Variants in AP2A1 observed in about 807,000 individuals in gnomAD.
AP2A1 encodes AP-2 complex subunit alpha-1.
A neutral mutation model predicts 107.3 loss-of-function variants in AP2A1; 21 were observed. That is an observed-to-expected ratio of 0.20 (90% CI 0.14 to 0.28). The LOEUF is 0.28. AP2A1 is among the 10% of genes least tolerant of loss of function. The pLI, the probability that AP2A1 is intolerant of heterozygous loss-of-function variation, is 1.00. For synonymous variants in AP2A1, 602 were observed against 564.8 expected (o/e 1.07, Z -0.93); for missense variants, 873 against 1,307.7 (o/e 0.67, Z 5.13).
intron 4 of AP2A1, 33 bp downstream of exon 4, chr19:49,782,757 G>C: frequency 6.4e-7 from 1 of 1,555,230 alleles, no homozygotes. Flanking sequence ...GCAGTGGGGG[G>C]CCTGGGGGTG....
chr19:49,792,113 G>A, intron 5 of AP2A1, 49 bp downstream of exon 5: 1 of 1,590,900 alleles, frequency 6.3e-7, no homozygotes, highest in Non-Finnish European at 8.5e-7. Context: ...TCCCACCTCA[G>A]CCCTGACCCC....
chr19:49,768,480 C>T (rs963164584), intron 1 of AP2A1, among the ~76,000 whole-genome samples: 1 of 152,170 alleles, frequency 6.6e-6, no homozygotes, highest in African/African-American at 2.4e-5. Flanking sequence ...CAATGCCCCT[C>T]AGGCCTTTCA....
In AP2A1 at chr19:49,782,685, A is replaced by G; in HGVS notation, c.434A>G (p.Glu145Gly). Residue 145 changes from glutamate to glycine, a missense_variant, in exon 4 of 23, where the codon GAG becomes GGG. By Grantham distance (98) the Glu-to-Gly change is moderately conservative (BLOSUM62 -2). This residue lies in a region of AP2A1 where 157 missense variants were observed against 212.6 expected (regional missense o/e 0.74). Transcript: ENST00000354293. ...IANVGSREMG[E>G]AFAADIPRIL... ...AACGTGGGCAGCCGGGAGATGGGCG[A>G]GGCCTTTGCCGCTGACATCCCCCGC... 1 of 1,610,170 alleles carries G rather than the reference A, an allele frequency of 6.2e-7. No individual in the cohort carries two copies. The highest frequency in any genetic ancestry group is 8.5e-7 in the Non-Finnish European group (1 of 1,179,166).
In AP2A1 at chr19:49,785,235, G is replaced by A. The variant is rs2084722869; in HGVS notation, c.473+2511G>A. Among the ~76,000 whole-genome samples the A allele has an allele frequency of 6.6e-6, 1 of 152,170 alleles. No homozygotes were observed. The highest frequency in any genetic ancestry group is 2.4e-5 in the African/African-American group (1 of 41,452). The stretch of plus-strand genomic sequence containing the variant: ...CATAAGCAAAAGTACAGACTGTAGG[G>A]GGTGACTGTGGGGCAGCAAGACCAG... On this transcript the variant is annotated intron_variant, in intron 4 of 22. Coordinates refer to ENST00000354293, the MANE Select transcript of AP2A1 (RefSeq NM_130787.3). This position sits in a 1 kb window ranked among gnomAD's most constrained non-coding sequence, Gnocchi z 4.1.
At chr19:49,806,610 A>G in intron 22 of AP2A1, 71 bp from the exon 23 acceptor site, 4 of 1,597,592 alleles carry the variant, frequency 2.5e-6, no homozygotes, top group Admixed American at 3.4e-5. Context: ...CCTTCCTTCT[A>G]TCTCCCTTGG....
chr19:49,773,796 G>A (rs1030333616), intron 1 of AP2A1, among the ~76,000 whole-genome samples: 1 of 152,170 alleles, frequency 6.6e-6, no homozygotes, highest in Non-Finnish European at 1.5e-5. Flanking sequence ...CTAACTAAGT[G>A]GGGGAATGGT....
intron 11 of AP2A1, 133 bp downstream of exon 11, chr19:49,800,283 G>T (rs2073261580): frequency 5.2e-6 from 6 of 1,146,242 alleles, no homozygotes; most frequent in East Asian, 2.6e-5. Context: ...TCAAAATGGG[G>T]CCTCTGCCTC....
chr19:49,806,649 C>G (rs749688138), intron 22 of AP2A1, 32 bp from the exon 23 acceptor site: 1 of 1,611,760 alleles, frequency 6.2e-7, no homozygotes. Context: ...TCCCCATCTC[C>G]TCTGAGTTCT....
intron 4 of AP2A1, among the ~76,000 whole-genome samples, chr19:49,787,152 G>A (rs1342970857): frequency 1.3e-5 from 2 of 151,438 alleles, no homozygotes; most frequent in East Asian, 1.9e-4. Flanking sequence ...GATTATAGGC[G>A]TGCACCACCA....
At chr19:49,798,743 C>T (rs2073241232) in intron 7 of AP2A1, 59 bp from the exon 8 acceptor site, 1 of 1,562,884 alleles carries the variant, frequency 6.4e-7, no homozygotes, top group African/African-American at 1.4e-5. Context: ...GCCACCACCC[C>T]AGCAGGTGTG....
chr19:49,786,997 A>G (rs2084745116), intron 4 of AP2A1, among the ~76,000 whole-genome samples: 1 of 152,026 alleles, frequency 6.6e-6, no homozygotes, highest in Non-Finnish European at 1.5e-5. Flanking sequence ...TTTTGTAGGT[A>G]GACTTTTATT....
chr19:49,793,154 C>G, intron 6 of AP2A1, 62 bp downstream of exon 6: 1 of 1,398,560 alleles, frequency 7.2e-7, no homozygotes, highest in Non-Finnish European at 9.8e-7. Context: ...CCCTCTGACA[C>G]CCCTCAGGCC....
Position 49,781,751 on chromosome 19 carries a change from TC to T in AP2A1, c.68-3del. On this transcript the variant is annotated splice_polypyrimidine_tract_variant and splice_region_variant and intron_variant, in intron 1 of 22. Transcript: ENST00000354293. ...CTCACTGCCTACCCTCCTCCTCCTCTCCCAGGTAAGAGCAAAGAGGCGGAAA... is the reference window on the plus strand; with the variant it reads ...CTCACTGCCTACCCTCCTCCTCCTCTCCAGGTAAGAGCAAAGAGGCGGAAA... 6.3e-7 allele frequency: 1 copy of T among 1,586,886 alleles called. No individual in the cohort carries two copies. The highest frequency in any genetic ancestry group is 1.1e-5 in the South Asian group (1 of 87,084).
chr19:49,802,056 G>T lies in AP2A1; in HGVS notation c.2029G>T (p.Gly677Ter). The T allele has an allele frequency of 6.3e-7, 1 of 1,589,338 alleles. No homozygotes were observed. ...PPPAAPPASAGAGNLLVDVFD... is the reference protein window; with the variant it reads ...PPPAAPPASA ...CCCGGCAGCACCCCCGGCTTCTGCA[G>T]GAGCAGGGAACCTTCTGGTGGACGT... Residue 677 changes from glycine (G) to a stop codon, truncating the protein, a stop_gained, in exon 15 of 23, where the codon GGA (glycine) becomes TGA (stop). Transcript: ENST00000354293. LOFTEE classifies it high-confidence loss of function.
At chr19:49,769,107 A>C (rs950181546) in intron 1 of AP2A1, among the ~76,000 whole-genome samples, 2 of 151,978 alleles carry the variant, frequency 1.3e-5, no homozygotes, top group African/African-American at 4.8e-5. Context: ...AAAATTAGCC[A>C]GGTGTGGTGG....
chr19:49,790,469 C>G (rs1046833292), intron 4 of AP2A1, among the ~76,000 whole-genome samples: 3 of 152,190 alleles, frequency 2.0e-5, no homozygotes, highest in African/African-American at 7.2e-5. Context: ...GCTCTGCCAC[C>G]CAGGCTGCAG....
intron 1 of AP2A1, among the ~76,000 whole-genome samples, chr19:49,769,856 C>T (rs2084539678): frequency 6.6e-6 from 1 of 151,986 alleles, no homozygotes; most frequent in Non-Finnish European, 1.5e-5. Context: ...TGAGAAGGGA[C>T]TGGTGAGAAA....
chr19:49,805,455 C>T lies in AP2A1; in HGVS notation c.2347C>T (p.Leu783=). Residue 783 remains leucine, a splice_region_variant and synonymous_variant, in exon 19 of 23, where the codon CTG becomes TTG. Coordinates refer to ENST00000354293, the MANE Select transcript of AP2A1 (RefSeq NM_130787.3). ...VVHPGDLQTQ[L]AVQTKRVAAQ... ...CTTCCTTGACTCCTGGCGGGCACAG[C>T]TGGCTGTGCAGACCAAGCGCGTGGC... The T allele has an allele frequency of 6.5e-7, 1 of 1,536,338 alleles. No individual in the cohort carries two copies. The highest frequency in any genetic ancestry group is 8.8e-7 in the Non-Finnish European group (1 of 1,137,052).
Position 49,782,623 on chromosome 19 carries a change from C to T in AP2A1, c.372C>T (p.Asn124=), listed in dbSNP as rs1342743502. The T allele has an allele frequency of 6.2e-7, 1 of 1,613,724 alleles. No homozygotes were observed. Among genetic ancestry groups the T allele is most frequent in the Non-Finnish European group, 8.5e-7 (1 of 1,179,848 alleles). The change falls in exon 4 of 23, where the codon AAC becomes AAT. Residue 124 remains asparagine, a synonymous_variant. Coordinates refer to ENST00000354293, the MANE Select transcript of AP2A1 (RefSeq NM_130787.3). ...TCAAGAATGACCTGGCCAGCCGCAA[C>T]CCCACCTTCATGTGCCTGGCCCTGC... is the stretch of plus-strand genomic sequence containing the variant. The part of the protein sequence containing the change: ...NAIKNDLASR[N]PTFMCLALHC...
Sources: gnomAD v4.1 joint callset for allele counts (sites outside exome capture counted in the v4.1 genomes callset) on GRCh38, gnomAD v4.1.1 for gene constraint, gnomAD v4.1.1 regional missense constraint, Gnocchi (gnomAD v3.1) non-coding constraint, MANE v1.5 for transcripts, NCBI Gene and HGNC (gene_info 2026-07-23, HGNC 2026-07-21) for gene names.